The following LINGO1 variants were observed in gnomAD, a reference collection of about 807,000 sequenced individuals.
LINGO1 encodes leucine rich repeat and Ig domain containing 1.
LINGO1 carries 11 observed loss-of-function variants against 37.3 expected under a neutral mutation model. That is an observed-to-expected ratio of 0.29 (90% CI 0.19 to 0.49). LINGO1 has a LOEUF of 0.49. Among genes scored for constraint, LINGO1 ranks in the 20% least tolerant of loss-of-function variants. LINGO1 has a pLI of 0.99. For synonymous variants in LINGO1, 387 were observed against 403.0 expected (o/e 0.96, Z 0.48); for missense variants, 585 against 878.2 (o/e 0.67, Z 4.22).
chr15:77,774,298 G>A (rs1349685518), intron 1 of LINGO1, among the ~76,000 whole-genome samples: 1 of 151,870 alleles, frequency 6.6e-6, no homozygotes, highest in African/African-American at 2.4e-5. Flanking sequence ...TACCCACTTG[G>A]TCCCCAGCCA....
chr15:77,731,159 G>T (rs1371334910), intron 2 of LINGO1, among the ~76,000 whole-genome samples: 1 of 152,186 alleles, frequency 6.6e-6, no homozygotes, highest in Non-Finnish European at 1.5e-5. Flanking sequence ...AGGCTGGGGT[G>T]GGGGCAGAGT....
chr15:77,733,276 CGGAGGAGA>C (rs2076171120), intron 2 of LINGO1, among the ~76,000 whole-genome samples: 1 of 152,192 alleles, frequency 6.6e-6, no homozygotes, highest in Non-Finnish European at 1.5e-5. Context: ...TGTCCAAGTA[CGGAGGAGA>C]GGGAAGAGGG....
chr15:77,805,617 T>A (rs1018139486), intron 1 of LINGO1, among the ~76,000 whole-genome samples: 7 of 151,938 alleles, frequency 4.6e-5, no homozygotes, highest in Non-Finnish European at 8.8e-5. Context: ...CAAAACTGTG[T>A]GGAAGTGCCC....
chr15:77,672,454 A>T (rs1264589638), intron 3 of LINGO1, among the ~76,000 whole-genome samples: 2 of 152,170 alleles, frequency 1.3e-5, no homozygotes, highest in Non-Finnish European at 2.9e-5. Flanking sequence ...TTGCTTTTGG[A>T]ACGGGAAAAC....
rs958091012 is a variant in LINGO1, at chr15:77,632,053, G to A, written c.6+257C>T. Among the ~76,000 whole-genome samples, 2 of 152,208 alleles carry A rather than the reference G, an allele frequency of 1.3e-5. No homozygotes were observed. Among genetic ancestry groups the A allele is most frequent in the Non-Finnish European group, 2.9e-5 (2 of 68,020 alleles). On this transcript the variant is annotated intron_variant, in intron 1 of 1. Coordinates refer to ENST00000355300, the MANE Select transcript of LINGO1 (RefSeq NM_032808.7). This position sits in a 1 kb window ranked among gnomAD's most constrained non-coding sequence, Gnocchi z 6.0. ...ACCAGAGCAGGTCTGGGACACCCGT[G>A]GGGGCCCCTCCCCAGCTCCAGGCTC... is the stretch of plus-strand genomic sequence containing the variant.
chr15:77,691,701 G>C (rs911101264), intron 1 of LINGO1, among the ~76,000 whole-genome samples: 1 of 151,950 alleles, frequency 6.6e-6, no homozygotes, highest in African/African-American at 2.4e-5. Flanking sequence ...GACACTGCAG[G>C]CTGCCTAAAC....
intron 1 of LINGO1, among the ~76,000 whole-genome samples, chr15:77,785,897 C>CTCATG (rs1445927114): frequency 6.6e-6 from 1 of 152,192 alleles, no homozygotes; most frequent in Non-Finnish European, 1.5e-5. Flanking sequence ...ATGTCACCTA[C>CTCATG]TCATGATGTG....
At chr15:77,803,954 T>TG (rs2076939485) in intron 1 of LINGO1, among the ~76,000 whole-genome samples, 1 of 152,086 alleles carries the variant, frequency 6.6e-6, no homozygotes, top group African/African-American at 2.4e-5. Context: ...CCACGCACAG[T>TG]GGGCCCTTCT....
intron 2 of LINGO1, among the ~76,000 whole-genome samples, chr15:77,721,908 A>C (rs2076054180): frequency 6.6e-6 from 1 of 150,410 alleles, no homozygotes; most frequent in African/African-American, 2.5e-5. Context: ...CTCTAACATG[A>C]CCCCCCAAAG....
intron 2 of LINGO1, among the ~76,000 whole-genome samples, chr15:77,690,497 C>G (rs1429838453): frequency 6.6e-6 from 1 of 152,190 alleles, no homozygotes; most frequent in Non-Finnish European, 1.5e-5. Context: ...CTGGATCAAG[C>G]CCTGCCTGAA....
chr15:77,638,284 G>A (rs1295837701), upstream of LINGO1, among the ~76,000 whole-genome samples: 2 of 147,856 alleles, frequency 1.4e-5, no homozygotes, highest in African/African-American at 2.6e-5. Flanking sequence ...TACCCCCGCC[G>A]AAGTTCCCCC....
chr15:77,799,511 G>A (rs1448985827), intron 1 of LINGO1, among the ~76,000 whole-genome samples: 3 of 152,168 alleles, frequency 2.0e-5, no homozygotes, highest in Non-Finnish European at 4.4e-5. Flanking sequence ...CAGGAATGAC[G>A]GACTGTGAGG....
rs528357625 is a variant in LINGO1, at chr15:77,742,623, G to C, written c.-256-7570C>G. Among the ~76,000 whole-genome samples, 51 of 152,350 alleles carry C rather than the reference G, an allele frequency of 3.3e-4. 1 individual carries two copies. The South Asian group carries it at 5.0e-3, about 15-fold the overall frequency. ...CATCCAGGATGTAGAAGCCACAAGA[G>C]AGCATCCCTCCCAGCTAACAATGAG... On this transcript the variant is annotated intron_variant, in intron 1 of 3. Transcript: ENST00000561686.
At chr15:77,751,606 C>G (rs1236213338) in intron 1 of LINGO1, among the ~76,000 whole-genome samples, 1 of 152,142 alleles carries the variant, frequency 6.6e-6, no homozygotes, top group Non-Finnish European at 1.5e-5. Flanking sequence ...CAGGCCTTTC[C>G]ATCCTGGCCC....
chr15:77,698,353 A>G (rs1333358236), upstream of LINGO1, among the ~76,000 whole-genome samples: 1 of 152,234 alleles, frequency 6.6e-6, no homozygotes, highest in Non-Finnish European at 1.5e-5. Flanking sequence ...CATTAATTCA[A>G]CAAGCATGTG....
intron 1 of LINGO1, chr15:77,784,890 C>T (rs1450856169): frequency 1.3e-5 from 2 of 151,976 alleles, no homozygotes; most frequent in African/African-American, 4.8e-5. Flanking sequence ...TCTGAGCCTC[C>T]CTAAGAGAGG....
intron 3 of LINGO1, among the ~76,000 whole-genome samples, chr15:77,640,844 T>G (rs1392542371): frequency 3.9e-5 from 6 of 152,028 alleles, no homozygotes; most frequent in Admixed American, 3.9e-4. Context: ...ATTCATTCAT[T>G]CATTCATTCA....
chr15:77,647,708 T>G (rs765043956), intron 3 of LINGO1: 2 of 369,374 alleles, frequency 5.4e-6, no homozygotes, highest in African/African-American at 2.1e-5. Flanking sequence ...GGCAAAACGT[T>G]GCACACCTCT....
chr15:77,766,956 A>T (rs955778460), intron 1 of LINGO1, among the ~76,000 whole-genome samples: 21 of 145,592 alleles, frequency 1.4e-4, no homozygotes, highest in East Asian at 2.0e-4. Context: ...AAGATTTTTT[A>T]AAAAAGTGTA....
Sources: allele counts gnomAD v4.1 joint callset (sites outside exome capture counted in the v4.1 genomes callset), GRCh38; gene constraint gnomAD v4.1.1; non-coding constraint Gnocchi (gnomAD v3.1); transcripts MANE v1.5; gene names NCBI Gene and HGNC (gene_info 2026-07-23, HGNC 2026-07-21).